Variants in CNTN6 observed in about 807,000 individuals in gnomAD.
The protein encoded by CNTN6 is contactin-6.
Under a neutral mutation model 122.8 loss-of-function variants are expected in CNTN6, and 137 were observed. The observed-to-expected ratio is 1.12, with a 90% confidence interval of 0.97 to 1.29. The LOEUF (loss-of-function observed/expected upper bound fraction) is 1.29. CNTN6 is among the 50% of genes most tolerant of loss of function. The pLI is 0.00. For synonymous variants in CNTN6, 570 were observed against 426.0 expected (o/e 1.34, Z -4.16); for missense variants, 1,634 against 1,223.4 (o/e 1.34, Z -5.01).
intron 7 of CNTN6, among the ~76,000 whole-genome samples, chr3:1,314,454 G>A (rs1699820842): frequency 6.6e-6 from 1 of 152,074 alleles, no homozygotes; most frequent in South Asian, 2.1e-4. Context: ...TTGGATTTAA[G>A]CTGTAGATAA....
intron 2 of CNTN6, among the ~76,000 whole-genome samples, chr3:1,208,802 AT>A (rs35172722): frequency 0.41 from 62,181 of 151,962 alleles, 13,044 homozygotes; most frequent in African/African-American, 0.5. Context: ...GATAATTCAT[AT>A]TACAAGTTTA....
At position 1,382,994 on chromosome 3, in the gene CNTN6, TC is replaced by T; in HGVS notation, c.2221del (p.Arg741GlyfsTer49). 2.5e-6 allele frequency: 4 copies of T among 1,614,134 alleles called. No individual in the cohort carries two copies. The highest frequency in any genetic ancestry group is 3.4e-6 in the Non-Finnish European group (4 of 1,179,964). On this transcript the variant is annotated frameshift_variant, in exon 18 of 23. Coordinates refer to ENST00000446702, the MANE Select transcript of CNTN6 (RefSeq NM_001289080.2). LOFTEE classifies it high-confidence loss of function. ...NGEGFGYIIM[F>X]RPVGSTTWSK... The stretch of plus-strand genomic sequence containing the variant: ...GAGGGATTTGGATATATCATCATGT[TC>T]CGGCCAGTGGGCTCGACAACCTGGT...
chr3:1,341,146 A>G (rs59730587), intron 11 of CNTN6, among the ~76,000 whole-genome samples: 4,222 of 151,618 alleles, frequency 0.028, 195 homozygotes, highest in African/African-American at 0.095. Flanking sequence ...TGTATTTTCA[A>G]TGTGTTCTCC....
At chr3:1,168,214 T>C (rs970467955) in intron 2 of CNTN6, among the ~76,000 whole-genome samples, 2 of 151,804 alleles carry the variant, frequency 1.3e-5, no homozygotes, top group Non-Finnish European at 2.9e-5. Context: ...GGCCTGGAAA[T>C]GTTATTAACC....
chr3:1,260,738 A>T (rs867832618), intron 4 of CNTN6, among the ~76,000 whole-genome samples: 2 of 151,870 alleles, frequency 1.3e-5, no homozygotes, highest in Admixed American at 6.6e-5. Context: ...TTCTCACGAG[A>T]TCTGATAATT....
chr3:1,207,328 C>T (rs1054930641), intron 2 of CNTN6, among the ~76,000 whole-genome samples: 18 of 151,882 alleles, frequency 1.2e-4, no homozygotes, highest in African/African-American at 4.4e-4. Context: ...CTTTAATATA[C>T]AAAAAAAGAT....
intron 20 of CNTN6, among the ~76,000 whole-genome samples, chr3:1,390,001 T>C (rs984351704): frequency 9.9e-5 from 15 of 151,488 alleles, no homozygotes; most frequent in South Asian, 4.2e-4. Flanking sequence ...GACAGATCAA[T>C]GAGACAGAAA....
intron 1 of CNTN6, among the ~76,000 whole-genome samples, chr3:1,098,062 A>G (rs1462261814): frequency 6.8e-6 from 1 of 146,926 alleles, no homozygotes; most frequent in Admixed American, 6.8e-5. Flanking sequence ...ACACCAAGCA[A>G]TTGGACATGA....
chr3:1,194,245 TA>T (rs2093743716), intron 2 of CNTN6, among the ~76,000 whole-genome samples: 1 of 152,076 alleles, frequency 6.6e-6, no homozygotes. Context: ...AATGCAACTA[TA>T]ACATTATTGA....
At chr3:1,222,393 G>C (rs1034123247) in intron 3 of CNTN6, among the ~76,000 whole-genome samples, 2 of 152,104 alleles carry the variant, frequency 1.3e-5, no homozygotes, top group Non-Finnish European at 1.5e-5. Flanking sequence ...GATCCTAGGG[G>C]TTAGTAGAGA....
chr3:1,369,610 C>T (rs1708707973), intron 12 of CNTN6, among the ~76,000 whole-genome samples: 1 of 152,050 alleles, frequency 6.6e-6, no homozygotes, highest in Non-Finnish European at 1.5e-5. Context: ...CCAACTTTGC[C>T]ACTATGTGGT....
chr3:1,271,352 G>A (rs2095023565), intron 4 of CNTN6, among the ~76,000 whole-genome samples: 1 of 152,200 alleles, frequency 6.6e-6, no homozygotes, highest in African/African-American at 2.4e-5. Flanking sequence ...TTGTAGTAGG[G>A]AAGTTATAGA....
intron 17 of CNTN6, among the ~76,000 whole-genome samples, chr3:1,378,415 T>C (rs1559968319): frequency 2.0e-5 from 3 of 152,164 alleles, no homozygotes; most frequent in African/African-American, 7.2e-5. Context: ...CGTTATTCTT[T>C]ATGGTTATAA....
intron 20 of CNTN6, among the ~76,000 whole-genome samples, chr3:1,386,986 T>C (rs1693093901): frequency 6.6e-6 from 1 of 151,368 alleles, no homozygotes; most frequent in Non-Finnish European, 1.5e-5. Flanking sequence ...AAATAGATTA[T>C]CCAGTTATTT....
intron 4 of CNTN6, among the ~76,000 whole-genome samples, chr3:1,245,272 T>C (rs1575400676): frequency 1.7e-3 from 7 of 4,182 alleles, no homozygotes; most frequent in African/African-American, 7.6e-3. Flanking sequence ...TATATATATA[T>C]ATACACACAC....
At chr3:1,403,278 T>G (rs1695963626) in intron 22 of CNTN6, 40 bp from the exon 23 acceptor site, 2 of 1,383,252 alleles carry the variant, frequency 1.4e-6, no homozygotes, top group South Asian at 2.4e-5. Context: ...AGGCAATACT[T>G]TATCTCAAAA....
chr3:1,359,548 T>C (rs1323656997), intron 12 of CNTN6, among the ~76,000 whole-genome samples: 1 of 152,084 alleles, frequency 6.6e-6, no homozygotes, highest in Non-Finnish European at 1.5e-5. Flanking sequence ...TAAATTGGAA[T>C]ATATTGACCA....
chr3:1,384,429 GA>G (rs968231325), intron 19 of CNTN6, among the ~76,000 whole-genome samples: 1 of 151,088 alleles, frequency 6.6e-6, no homozygotes, highest in East Asian at 1.9e-4. Flanking sequence ...GTTAAGTAAT[GA>G]AAAAAAATAC....
intron 4 of CNTN6, among the ~76,000 whole-genome samples, chr3:1,243,351 A>G (rs1218710179): frequency 6.6e-6 from 1 of 152,002 alleles, no homozygotes; most frequent in Non-Finnish European, 1.5e-5. Context: ...TGTGCTGGAG[A>G]TGTGGCTGGG....
Sources: allele counts gnomAD v4.1 joint callset (sites outside exome capture counted in the v4.1 genomes callset), GRCh38; gene constraint gnomAD v4.1.1; transcripts MANE v1.5; gene names NCBI Gene and HGNC (gene_info 2026-07-23, HGNC 2026-07-21).